The following SOX5 variants were observed in gnomAD, a reference collection of about 807,000 sequenced individuals.
SOX5 encodes transcription factor SOX-5.
A neutral mutation model predicts 92.0 loss-of-function variants in SOX5; 9 were observed. The ratio of observed to expected loss-of-function variants is 0.10; its 90% CI spans 0.06 to 0.17. The LOEUF (loss-of-function observed/expected upper bound fraction) is 0.17, where lower values mean the gene tolerates loss of function less well. SOX5 is among the 10% of genes least tolerant of loss of function. SOX5 has a pLI of 1.00. For missense variants in SOX5, 642 were observed against 944.5 expected, an observed-to-expected ratio of 0.68 and a Z score of 4.20; for synonymous variants, 344 against 336.3, an observed-to-expected ratio of 1.02 and a Z score of -0.25.
chr12:23,651,215 T>G (rs535973914), intron 7 of SOX5, among the ~76,000 whole-genome samples: 3 of 152,136 alleles, frequency 2.0e-5, no homozygotes, highest in African/African-American at 7.2e-5. Context: ...CATATACATA[T>G]ACACATATAT....
intron 6 of SOX5, among the ~76,000 whole-genome samples, chr12:23,683,130 T>C (rs4963710): frequency 0.11 from 16,355 of 151,922 alleles, 1,166 homozygotes; most frequent in Middle Eastern, 0.17. Flanking sequence ...CAATGTGATA[T>C]GCAAGTAATT....
chr12:23,768,619 G>A (rs553243195), intron 3 of SOX5, among the ~76,000 whole-genome samples: 10 of 152,138 alleles, frequency 6.6e-5, no homozygotes, highest in Admixed American at 1.3e-4. Flanking sequence ...CCAATAATAA[G>A]AGTTGAGATC....
rs572660595 is a variant in SOX5, at chr12:24,130,289, G to T, written c.-2+83054C>A. Among the ~76,000 whole-genome samples the T allele has an allele frequency of 2.0e-5, 3 of 152,320 alleles. No homozygotes were observed. The East Asian group carries it at 5.8e-4, about 29-fold the overall frequency. On this transcript the variant is annotated intron_variant, in intron 4 of 4. Coordinates refer to the SOX5 transcript ENST00000446891. ...TACTGAAGAAAGCGACGCATCTGGGGTGAATAATGTGGGTGGTCACTATGT... is the reference window on the plus strand; with the variant it reads ...TACTGAAGAAAGCGACGCATCTGGGTTGAATAATGTGGGTGGTCACTATGT...
At chr12:23,927,294 CTGGAGGTATATCACTTT>C (rs1940224466) in intron 1 of SOX5, among the ~76,000 whole-genome samples, 1 of 152,118 alleles carries the variant, frequency 6.6e-6, no homozygotes, top group Admixed American at 6.6e-5. Flanking sequence ...ATCCTTTCCA[CTGGAGGTATATCACTTT>C]TGTGAAGAAT....
At chr12:23,704,715 T>TATATATATATATATACATAC (rs1434949526) in intron 6 of SOX5, among the ~76,000 whole-genome samples, 2 of 108,362 alleles carry the variant, frequency 1.8e-5, no homozygotes, top group African/African-American at 6.5e-5. Context: ...TATATATATA[T>TATATATATATATATACATAC]ACACACACAC....
chr12:24,142,240 C>T lies in SOX5; in HGVS notation c.-2+71103G>A, dbSNP rs1950654217. Among the ~76,000 whole-genome samples the T allele has an allele frequency of 2.0e-5, 3 of 152,030 alleles. No individual in the cohort carries two copies. The South Asian group carries it at 6.2e-4, about 32-fold the overall frequency. ...AGGAGATTGGGGGTAAGCAGCACTC[C>T]CGCTTCTCCTCAACTTTCCCCATTC... On this transcript the variant is annotated intron_variant, in intron 4 of 4. Coordinates refer to the SOX5 transcript ENST00000446891.
At chr12:24,351,407 A>G (rs939184023) in intron 2 of SOX5, among the ~76,000 whole-genome samples, 18 of 152,154 alleles carry the variant, frequency 1.2e-4, no homozygotes, top group African/African-American at 4.1e-4. Flanking sequence ...CCTCCTAGTT[A>G]TATATGGGAA....
chr12:24,087,173 T>C (rs1366365681), intron 4 of SOX5, among the ~76,000 whole-genome samples: 7 of 152,068 alleles, frequency 4.6e-5, no homozygotes, highest in African/African-American at 7.2e-5. Flanking sequence ...TGTCTCTCTC[T>C]CTCTCTTTAT....
chr12:24,064,531 T>C lies in SOX5; in HGVS notation c.-2+148812A>G, dbSNP rs150852202. On this transcript the variant is annotated intron_variant, in intron 4 of 4. Coordinates refer to the SOX5 transcript ENST00000446891. The stretch of plus-strand genomic sequence containing the variant: ...ATATAATATGCAGAACAATCAGAAA[T>C]GATTTAAAAGCTTTAAAGTAGTACA... 3.0e-3 allele frequency among the ~76,000 whole-genome samples: 463 copies of C among 152,270 alleles called. 5 individuals are homozygous for C. The highest frequency in any genetic ancestry group is 0.011 in the African/African-American group (450 of 41,566).
intron 3 of SOX5, among the ~76,000 whole-genome samples, chr12:23,822,141 T>TA (rs2096132060): frequency 6.6e-6 from 1 of 152,196 alleles, no homozygotes. Flanking sequence ...GCTCTGATCT[T>TA]AGTTATTTCT....
chr12:24,237,886 C>A (rs200200825), intron 3 of SOX5: 1 of 152,050 alleles, frequency 6.6e-6, no homozygotes, highest in Non-Finnish European at 1.5e-5. Context: ...GGAAAGTGAC[C>A]AGGGAAAGAA....
chr12:23,599,736 C>T (rs1953120826), intron 9 of SOX5, among the ~76,000 whole-genome samples: 1 of 152,182 alleles, frequency 6.6e-6, no homozygotes, highest in Non-Finnish European at 1.5e-5. Flanking sequence ...TAACACAGAA[C>T]TATAAGCCTA....
intron 6 of SOX5, among the ~76,000 whole-genome samples, chr12:23,716,423 G>A (rs527693783): frequency 2.0e-5 from 3 of 152,234 alleles, no homozygotes; most frequent in Admixed American, 6.5e-5. Context: ...TGGGACAGTC[G>A]ATTATGATCA....
intron 2 of SOX5, among the ~76,000 whole-genome samples, chr12:24,316,640 A>C (rs1474174344): frequency 2.0e-5 from 3 of 152,222 alleles, no homozygotes; most frequent in African/African-American, 7.2e-5. Context: ...ATCTCTTAGC[A>C]TGTACATAGG....
intron 5 of SOX5, among the ~76,000 whole-genome samples, chr12:23,737,477 T>C (rs999213193): frequency 6.6e-6 from 1 of 151,904 alleles, no homozygotes; most frequent in African/African-American, 2.4e-5. Flanking sequence ...GAGGTGGAGG[T>C]TGCAGTGAGC....
At chr12:24,554,645 A>AG (rs1296339559) in intron 1 of SOX5, among the ~76,000 whole-genome samples, 1 of 152,130 alleles carries the variant, frequency 6.6e-6, no homozygotes, top group Non-Finnish European at 1.5e-5. Flanking sequence ...TCAAAATATT[A>AG]GGGGTCCCAG....
chr12:23,973,999 G>T (rs1458778864), intron 4 of SOX5, among the ~76,000 whole-genome samples: 1 of 152,126 alleles, frequency 6.6e-6, no homozygotes, highest in Admixed American at 6.5e-5. Context: ...GTGCCAAAAA[G>T]GTTGGGGACT....
intron 4 of SOX5, among the ~76,000 whole-genome samples, chr12:24,059,460 T>A (rs1434462961): frequency 3.3e-5 from 5 of 152,330 alleles, no homozygotes; most frequent in Non-Finnish European, 5.9e-5. Context: ...TTGGTTTTTT[T>A]AATGAATTTG....
intron 4 of SOX5, among the ~76,000 whole-genome samples, chr12:24,151,550 A>C (rs1055274628): frequency 5.3e-5 from 8 of 152,142 alleles, no homozygotes; most frequent in African/African-American, 1.9e-4. Context: ...AGTAGTGATG[A>C]TGATGATAAT....
Sources: allele counts gnomAD v4.1 joint callset (sites outside exome capture counted in the v4.1 genomes callset), GRCh38; gene constraint gnomAD v4.1.1; transcripts MANE v1.5; gene names NCBI Gene and HGNC (gene_info 2026-07-23, HGNC 2026-07-21).